CDH4: variants seen among roughly 807,000 people sequenced by gnomAD.
CDH4 encodes the protein cadherin 4.
In CDH4, 33 loss-of-function variants were observed where a neutral mutation model predicts 86.0. That is an observed-to-expected ratio of 0.38 (90% CI 0.29 to 0.51). The LOEUF is 0.51. Among genes scored for constraint, CDH4 ranks in the 20% least tolerant of loss-of-function variants. The probability of loss-of-function intolerance (pLI) is 0.86; values close to 1 mark genes in which losing one functional copy is unlikely to be tolerated. For synonymous variants in CDH4, 555 were observed against 549.4 expected, an observed-to-expected ratio of 1.01 and a Z score of -0.14; for missense variants, 1,114 against 1,307.4, an observed-to-expected ratio of 0.85 and a Z score of 2.28.
intron 4 of CDH4, among the ~76,000 whole-genome samples, chr20:61,794,424 G>A (rs1271215478): frequency 6.6e-6 from 1 of 152,158 alleles, no homozygotes; most frequent in Non-Finnish European, 1.5e-5. Context: ...GAGGTCCTGG[G>A]GTGCTCATAC....
At chr20:61,876,330 C>T (rs1053908255) in intron 7 of CDH4, among the ~76,000 whole-genome samples, 13 of 152,240 alleles carry the variant, frequency 8.5e-5, no homozygotes, top group African/African-American at 1.4e-4. Context: ...GATGGGGCCT[C>T]GCCGTCCAGT....
At chr20:61,852,475 A>C (rs1392737289) in intron 5 of CDH4, among the ~76,000 whole-genome samples, 2 of 152,204 alleles carry the variant, frequency 1.3e-5, no homozygotes, top group African/African-American at 4.8e-5. Context: ...CAGGCATGGG[A>C]GGTCCTGGGT....
At chr20:61,789,746 C>T (rs1206890025) in intron 4 of CDH4, among the ~76,000 whole-genome samples, 1 of 152,196 alleles carries the variant, frequency 6.6e-6, no homozygotes, top group Non-Finnish European at 1.5e-5. Flanking sequence ...CACAGCGTTT[C>T]CCACTCACCA....
chr20:61,623,530 A>C lies in CDH4; in HGVS notation c.170-120033A>C, dbSNP rs2086798011. Among the ~76,000 whole-genome samples the C allele has an allele frequency of 6.6e-6, 1 of 152,196 alleles. No homozygotes were observed. Among genetic ancestry groups the C allele is most frequent in the Non-Finnish European group, 1.5e-5 (1 of 68,032 alleles). ...CAAATTGAATACCTAAAAAAGTATAATTAATCAAACCATATCAAGAGAGCC... is the reference window on the plus strand; with the variant it reads ...CAAATTGAATACCTAAAAAAGTATACTTAATCAAACCATATCAAGAGAGCC... On this transcript the variant is annotated intron_variant, in intron 2 of 15. Transcript: ENST00000614565. The surrounding 1 kb of genome is among the most constrained non-coding windows in gnomAD (Gnocchi z 4.4).
intron 7 of CDH4, among the ~76,000 whole-genome samples, chr20:61,893,834 G>A (rs1231709686): frequency 6.6e-6 from 1 of 151,228 alleles, no homozygotes; most frequent in African/African-American, 2.4e-5. Context: ...TGGATGTGGG[G>A]GTGGGTGGCT....
At chr20:61,542,486 C>G (rs1221434400) in intron 2 of CDH4, among the ~76,000 whole-genome samples, 1 of 152,172 alleles carries the variant, frequency 6.6e-6, no homozygotes, top group Non-Finnish European at 1.5e-5. Flanking sequence ...GCAATGGGTA[C>G]AACTCTTCAC....
rs549284112 is a variant in CDH4, at chr20:61,879,315, G to A, written c.1050+5415G>A. ...CCACCAGCCCAGCTTGCCTTGCATCGGCCGGACAGCTCAGCCACTTCTGAA... is the reference window on the plus strand; with the variant it reads ...CCACCAGCCCAGCTTGCCTTGCATCAGCCGGACAGCTCAGCCACTTCTGAA... On this transcript the variant is annotated intron_variant, in intron 7 of 15. Transcript: ENST00000614565. This position sits in a 1 kb window ranked among gnomAD's most constrained non-coding sequence, Gnocchi z 4.1. 2.0e-5 allele frequency among the ~76,000 whole-genome samples: 3 copies of A among 152,266 alleles called. No individual in the cohort carries two copies. Among genetic ancestry groups the A allele is most frequent in the East Asian group, 1.9e-4 (1 of 5,174 alleles).
At chr20:61,657,010 A>G (rs891919562) in intron 2 of CDH4, among the ~76,000 whole-genome samples, 1 of 152,200 alleles carries the variant, frequency 6.6e-6, no homozygotes, top group Non-Finnish European at 1.5e-5. Context: ...CCCCAGAGGC[A>G]TGTGTCTTAG....
intron 2 of CDH4, among the ~76,000 whole-genome samples, chr20:61,690,581 T>A (rs1336234540): frequency 6.6e-6 from 1 of 152,170 alleles, no homozygotes; most frequent in Non-Finnish European, 1.5e-5. Flanking sequence ...GGAGCAGGTC[T>A]GCTGCATGTC....
intron 2 of CDH4, among the ~76,000 whole-genome samples, chr20:61,303,770 C>T (rs1191493318): frequency 6.6e-6 from 1 of 152,194 alleles, no homozygotes; most frequent in Non-Finnish European, 1.5e-5. Flanking sequence ...TCTGTGCCCA[C>T]CCCCAGGCCC....
chr20:61,873,684 T>C, intron 6 of CDH4, 44 bp from the exon 7 acceptor site: 7 of 1,591,234 alleles, frequency 4.4e-6, no homozygotes, highest in Non-Finnish European at 6.0e-6. Flanking sequence ...GGTGGCAGCC[T>C]GTGTGGCAGG....
At chr20:61,852,568 C>G (rs1472515657) in intron 5 of CDH4, among the ~76,000 whole-genome samples, 186 bp from the exon 6 acceptor site, 2 of 152,116 alleles carry the variant, frequency 1.3e-5, no homozygotes, top group Admixed American at 1.3e-4. Flanking sequence ...CTCTCCTGAC[C>G]CCCGTTTCTG....
rs188485299 is a variant in CDH4, at chr20:61,866,284, C to T, written c.878-7444C>T. ...CCAGGCCCTACTCTGCTCTCAGAAA[C>T]GATGTCAGCTTGGACAGCCAGGGTT... On this transcript the variant is annotated intron_variant, in intron 6 of 15. Transcript: ENST00000614565. Among the ~76,000 whole-genome samples, 72 of 152,296 alleles carry T rather than the reference C, an allele frequency of 4.7e-4. No homozygotes were observed. The East Asian group carries it at 9.7e-3, about 20-fold the overall frequency.
rs886808327 is a variant in CDH4 at position 61,501,313 on chromosome 20, G to A, written c.170-242250G>A. Among the ~76,000 whole-genome samples the A allele has an allele frequency of 6.6e-6, 1 of 152,200 alleles. No homozygotes were observed. Among genetic ancestry groups the A allele is most frequent in the East Asian group, 1.9e-4 (1 of 5,184 alleles). On this transcript the variant is annotated intron_variant, in intron 2 of 15. Transcript: ENST00000614565. This position sits in a 1 kb window ranked among gnomAD's most constrained non-coding sequence, Gnocchi z 4.2. ...TACAGCTAATACATTATTGCCTCTGGCTTCCGTGCAGAACAGCGGTTAGAG... is the reference window on the plus strand; with the variant it reads ...TACAGCTAATACATTATTGCCTCTGACTTCCGTGCAGAACAGCGGTTAGAG...
intron 2 of CDH4, among the ~76,000 whole-genome samples, chr20:61,313,117 G>A (rs971619070): frequency 2.6e-5 from 4 of 152,208 alleles, no homozygotes; most frequent in South Asian, 2.1e-4. Flanking sequence ...CTGCTCCAAC[G>A]TGACTGTGCT....
At chr20:61,523,081 C>A (rs942064838) in intron 2 of CDH4, among the ~76,000 whole-genome samples, 1 of 152,212 alleles carries the variant, frequency 6.6e-6, no homozygotes, top group Non-Finnish European at 1.5e-5. Context: ...AGGTGACAGG[C>A]GGCATGCATC....
At chr20:61,648,335 G>A (rs531546131) in intron 2 of CDH4, among the ~76,000 whole-genome samples, 3 of 152,326 alleles carry the variant, frequency 2.0e-5, no homozygotes, top group African/African-American at 4.8e-5. Flanking sequence ...ATCAGAGCCT[G>A]CTTGTGCTTG....
chr20:61,908,547 T>C (rs188680696), intron 8 of CDH4, among the ~76,000 whole-genome samples: 2 of 152,194 alleles, frequency 1.3e-5, no homozygotes, highest in African/African-American at 4.8e-5. Flanking sequence ...GGCCTCTGTG[T>C]GCTTCTCTGT....
chr20:61,743,426 G>A, intron 2 of CDH4, 137 bp from the exon 3 acceptor site: 1 of 663,888 alleles, frequency 1.5e-6, no homozygotes, highest in South Asian at 1.8e-5. Context: ...ACCTTCTCGG[G>A]AGGTGGAGAA....
Sources: gnomAD v4.1 joint callset for allele counts (sites outside exome capture counted in the v4.1 genomes callset) on GRCh38, gnomAD v4.1.1 for gene constraint, Gnocchi (gnomAD v3.1) non-coding constraint, MANE v1.5 for transcripts, NCBI Gene and HGNC (gene_info 2026-07-23, HGNC 2026-07-21) for gene names.